SGMS1: variants seen among roughly 807,000 people sequenced by gnomAD.
The protein encoded by SGMS1 is phosphatidylcholine:ceramide cholinephosphotransferase 1.
In SGMS1, 13 loss-of-function variants were observed where a neutral mutation model predicts 46.2. That is an observed-to-expected ratio of 0.28 (90% confidence interval 0.18 to 0.45). The LOEUF is 0.45. SGMS1 is among the 20% of genes least tolerant of loss of function. The probability of loss-of-function intolerance (pLI) is 1.00; values close to 1 mark genes in which losing one functional copy is unlikely to be tolerated. For synonymous variants in SGMS1, 203 were observed against 187.8 expected (o/e 1.08, Z -0.66); for missense variants, 324 against 519.9 (o/e 0.62, Z 3.66).
At position 50,427,622 on chromosome 10, in the gene SGMS1, A is replaced by G. The variant is rs188161406; in HGVS notation, c.-232+5854T>C. On this transcript the variant is annotated intron_variant, in intron 6 of 10. Transcript: ENST00000361781. Reference sequence around the variant, plus strand: ...ACGACACTTAACATTTTAAGTCGACATACAACAAAGTGGGGACACTACATA... The same window carrying G: ...ACGACACTTAACATTTTAAGTCGACGTACAACAAAGTGGGGACACTACATA... Among the ~76,000 whole-genome samples, 3 of 152,320 alleles carry G rather than the reference A, an allele frequency of 2.0e-5. No individual in the cohort carries two copies. In the East Asian group the frequency reaches 5.8e-4, roughly 29 times the overall value.
At chr10:50,380,660 T>C (rs1445853254) in intron 6 of SGMS1, among the ~76,000 whole-genome samples, 2 of 152,186 alleles carry the variant, frequency 1.3e-5, no homozygotes, top group South Asian at 2.1e-4. Flanking sequence ...TGTGGGCTAC[T>C]GAAAGACCAT....
intron 3 of SGMS1, among the ~76,000 whole-genome samples, chr10:50,492,975 C>T (rs1837579471): frequency 6.6e-6 from 1 of 152,116 alleles, no homozygotes; most frequent in African/African-American, 2.4e-5. Context: ...CTCTCTTAAC[C>T]TCACTTTACC....
chr10:50,513,238 G>A (rs984769724), intron 3 of SGMS1, among the ~76,000 whole-genome samples: 2 of 152,154 alleles, frequency 1.3e-5, no homozygotes, highest in African/African-American at 4.8e-5. Flanking sequence ...GAACCACAAA[G>A]TAAAACAGAA....
intron 6 of SGMS1, among the ~76,000 whole-genome samples, chr10:50,382,568 TACACACAC>T (rs57835243): frequency 4.9e-5 from 7 of 142,762 alleles, no homozygotes; most frequent in African/African-American, 1.0e-4. Context: ...AACACACACA[TACACACAC>T]ACACACACAC....
chr10:50,441,522 A>G lies in SGMS1; in HGVS notation c.-312-7966T>C, dbSNP rs544125411. ...AAAAAGGTAAATATTTCTTTTACAA[A>G]AAAAAGGAAACCAAAACTCAAAGGT... On this transcript the variant is annotated intron_variant, in intron 5 of 10. Coordinates refer to ENST00000361781, the MANE Select transcript of SGMS1 (RefSeq NM_147156.4). 1.2e-4 allele frequency among the ~76,000 whole-genome samples: 18 copies of G among 152,378 alleles called. No individual in the cohort carries two copies. The East Asian group carries it at 2.1e-3, about 18-fold the overall frequency.
chr10:50,459,325 A>C (rs1837235328), intron 5 of SGMS1, among the ~76,000 whole-genome samples: 1 of 152,262 alleles, frequency 6.6e-6, no homozygotes, highest in South Asian at 2.1e-4. Flanking sequence ...TGTTATAATT[A>C]TAAACCAAAT....
intron 6 of SGMS1, among the ~76,000 whole-genome samples, chr10:50,365,255 CAA>C (rs67951872): frequency 0.021 from 928 of 44,990 alleles, 5 homozygotes; most frequent in Admixed American, 0.024. Context: ...TCCATCTCAC[CAA>C]AAAAAAAAAA....
chr10:50,554,237 C>A (rs746255876), intron 2 of SGMS1, among the ~76,000 whole-genome samples: 1 of 152,110 alleles, frequency 6.6e-6, no homozygotes, highest in Non-Finnish European at 1.5e-5. Context: ...TATTTTAATT[C>A]TTTATTAGTT....
intron 2 of SGMS1, among the ~76,000 whole-genome samples, chr10:50,559,884 T>C (rs996194297): frequency 5.3e-5 from 8 of 152,068 alleles, no homozygotes; most frequent in Admixed American, 4.6e-4. Context: ...GGAGGAAACA[T>C]CTAACACCTC....
rs538708503 is a variant in SGMS1 at position 50,424,074 on chromosome 10, C to A, written c.-232+9402G>T. 9.2e-5 allele frequency among the ~76,000 whole-genome samples: 14 copies of A among 152,316 alleles called. No homozygotes were observed. In the East Asian group the frequency reaches 2.5e-3, roughly 27 times the overall value. Reference sequence around the variant, plus strand: ...TCCAAGGTAAATCATCAAGACAAGTCAGAGCCAGCTGTACAGCCATGTTTG... The same window carrying A: ...TCCAAGGTAAATCATCAAGACAAGTAAGAGCCAGCTGTACAGCCATGTTTG... On this transcript the variant is annotated intron_variant, in intron 6 of 10. Coordinates refer to ENST00000361781, the MANE Select transcript of SGMS1 (RefSeq NM_147156.4).
chr10:50,500,019 T>C (rs1837648561), intron 3 of SGMS1, among the ~76,000 whole-genome samples: 1 of 152,076 alleles, frequency 6.6e-6, no homozygotes, highest in South Asian at 2.1e-4. Flanking sequence ...AATACAAAAA[T>C]TAGCCAGGTG....
chr10:50,344,163 C>T lies in SGMS1; in HGVS notation c.-49G>A, dbSNP rs1429731770. 6 of 1,542,814 alleles carry T rather than the reference C, an allele frequency of 3.9e-6. No homozygotes were observed. Among genetic ancestry groups the T allele is most frequent in the Non-Finnish European group, 5.2e-6 (6 of 1,151,770 alleles). On this transcript the variant is annotated 5_prime_UTR_variant, in exon 7 of 11. Transcript: ENST00000361781. ...CCCCAGCTCTCTCTTGGCAGGTCAG[C>T]AGTCACTGTTCCGACAGGGCAGGAC...
rs141149519 is a variant in SGMS1 at position 50,419,027 on chromosome 10, T to C, written c.-232+14449A>G. 1.0e-3 allele frequency among the ~76,000 whole-genome samples: 155 copies of C among 152,350 alleles called. No homozygotes were observed. In the Middle Eastern group the frequency reaches 0.014, roughly 13 times the overall value. ...TGTTAAAATTGTTATATTTTATTAT[T>C]AGTTACTGTTAATCTCTTACTGTGC... is the stretch of plus-strand genomic sequence containing the variant. On this transcript the variant is annotated intron_variant, in intron 6 of 10. Transcript: ENST00000361781.
chr10:50,510,622 CTT>C (rs1837745330), intron 3 of SGMS1, among the ~76,000 whole-genome samples: 1 of 114,454 alleles, frequency 8.7e-6, no homozygotes, highest in South Asian at 2.6e-4. Flanking sequence ...TTTTTTTTTA[CTT>C]TTGATTTTGA....
chr10:50,322,838 C>CAAA (rs58049533), intron 8 of SGMS1, among the ~76,000 whole-genome samples: 135 of 51,024 alleles, frequency 2.6e-3, no homozygotes, highest in African/African-American at 4.4e-3. Flanking sequence ...GACTCCGTCT[C>CAAA]AAAAAAAAAA....
chr10:50,600,631 G>C (rs1157597368), intron 1 of SGMS1, among the ~76,000 whole-genome samples: 1 of 152,206 alleles, frequency 6.6e-6, no homozygotes, highest in African/African-American at 2.4e-5. Context: ...GAGACAGAAA[G>C]GTGCTGAAAG....
chr10:50,471,806 C>T (rs183792208), intron 3 of SGMS1, among the ~76,000 whole-genome samples: 11 of 152,312 alleles, frequency 7.2e-5, no homozygotes, highest in Admixed American at 4.6e-4. Context: ...TAGAGCATTA[C>T]TAAAACCAAA....
intron 6 of SGMS1, among the ~76,000 whole-genome samples, chr10:50,352,944 C>T (rs976550160): frequency 6.6e-5 from 10 of 152,126 alleles, no homozygotes; most frequent in African/African-American, 2.2e-4. Flanking sequence ...AGGCAATAAT[C>T]AATAGCTTAC....
chr10:50,374,343 T>G (rs1848491190), intron 6 of SGMS1, among the ~76,000 whole-genome samples: 1 of 152,140 alleles, frequency 6.6e-6, no homozygotes, highest in Admixed American at 6.5e-5. Flanking sequence ...TTCAGCTTAG[T>G]AAATTGCAAT....
Sources: gnomAD v4.1 joint callset for allele counts (sites outside exome capture counted in the v4.1 genomes callset) on GRCh38, gnomAD v4.1.1 for gene constraint, MANE v1.5 for transcripts, NCBI Gene and HGNC (gene_info 2026-07-23, HGNC 2026-07-21) for gene names.